Variants in ATXN2 observed in about 807,000 individuals in gnomAD.
The protein encoded by ATXN2 is ataxin 2.
ATXN2 carries 37 observed loss-of-function variants against 138.6 expected under a neutral mutation model. The ratio of observed to expected loss-of-function variants is 0.27; its 90% CI spans 0.21 to 0.35. The LOEUF is 0.35. Ranked by LOEUF, ATXN2 falls within the 10% of genes least tolerant of loss-of-function variation. The pLI is 1.00. For synonymous variants in ATXN2, 549 were observed against 543.7 expected (o/e 1.01, Z -0.13); for missense variants, 1,216 against 1,480.3 (o/e 0.82, Z 2.93).
chr12:111,453,351 C>G lies in ATXN2; in HGVS notation c.3439+326G>C, dbSNP rs905300389. 2.4e-5 allele frequency: 27 copies of G among 1,104,662 alleles called. No individual in the cohort carries two copies. The highest frequency in any genetic ancestry group is 3.3e-5 in the African/African-American group (2 of 61,066). 68.4% of individuals were successfully genotyped at this position (1,104,662 alleles called of 1,614,324 possible). On this transcript the variant is annotated intron_variant, in intron 24 of 24. Transcript: ENST00000673436. This position sits in a 1 kb window ranked among gnomAD's most constrained non-coding sequence, Gnocchi z 5.4. ...CCCCACATGTCAGACTTTTGGGACT[C>G]AGGAAGGAAAACACTGCCCTGTCCA...
chr12:111,486,278 C>T (rs1356733220), intron 16 of ATXN2, among the ~76,000 whole-genome samples: 1 of 152,142 alleles, frequency 6.6e-6, no homozygotes, highest in South Asian at 2.1e-4. Flanking sequence ...ATGTAGTATT[C>T]GCATACAACC....
intron 7 of ATXN2, 25 bp from the exon 8 acceptor site, chr12:111,520,101 A>G (rs1484828055): frequency 3.1e-6 from 5 of 1,608,058 alleles, no homozygotes; most frequent in Non-Finnish European, 4.2e-6. Flanking sequence ...AAAGAAAAGC[A>G]AAATGAGTCC....
chr12:111,490,564 C>T (rs944123505), intron 14 of ATXN2, among the ~76,000 whole-genome samples: 2 of 152,044 alleles, frequency 1.3e-5, no homozygotes, highest in Non-Finnish European at 2.9e-5. Flanking sequence ...AGCATGGTGG[C>T]CAAACAGAAC....
chr12:111,455,262 AG>A, intron 23 of ATXN2: 1 of 640,126 alleles, frequency 1.6e-6, no homozygotes, highest in Admixed American at 2.2e-5. Flanking sequence ...CCAGCGTTAG[AG>A]CCCAACTTCA....
At chr12:111,466,950 T>C (rs1033247459) in intron 20 of ATXN2, among the ~76,000 whole-genome samples, 1 of 152,068 alleles carries the variant, frequency 6.6e-6, no homozygotes, top group Non-Finnish European at 1.5e-5. Context: ...GGAAGATGAG[T>C]ATAAAATTAA....
At position 111,598,131 on chromosome 12, in the gene ATXN2, C is replaced by T; in HGVS notation, c.251+653G>A. ...CAGGGGAGTTCGGGAGCCCCCGCCG[C>T]CGCCTCGGACACGAACGCAGAGGGG... On this transcript the variant is annotated intron_variant, in intron 1 of 24. Transcript: ENST00000673436. This position sits in a 1 kb window ranked among gnomAD's most constrained non-coding sequence, Gnocchi z 4.5. 9.0e-7 allele frequency: 1 copy of T among 1,113,392 alleles called. No homozygotes were observed. Among genetic ancestry groups the T allele is most frequent in the Non-Finnish European group, 1.1e-6 (1 of 900,694 alleles). 69.0% of individuals were successfully genotyped at this position (1,113,392 alleles called of 1,614,324 possible). A position where few individuals can be genotyped will look rare whatever the true frequency, so the allele number is the denominator to read the frequency against.
chr12:111,484,580 G>A (rs930238721), intron 18 of ATXN2, among the ~76,000 whole-genome samples: 3 of 151,988 alleles, frequency 2.0e-5, no homozygotes, highest in African/African-American at 7.2e-5. Context: ...ATTACAGGCG[G>A]CAGGTGCCAC....
chr12:111,565,973 G>A (rs1459901752), intron 1 of ATXN2, among the ~76,000 whole-genome samples: 5 of 148,024 alleles, frequency 3.4e-5, no homozygotes, highest in African/African-American at 1.2e-4. Flanking sequence ...TCCACGCTGG[G>A]AAACAGAGTG....
intron 18 of ATXN2, among the ~76,000 whole-genome samples, chr12:111,473,160 G>A (rs769664746): frequency 2.0e-5 from 3 of 151,836 alleles, no homozygotes; most frequent in Non-Finnish European, 4.4e-5. Context: ...TGTAGTCCCA[G>A]CTACTTGGGA....
intron 1 of ATXN2, among the ~76,000 whole-genome samples, chr12:111,557,059 C>T (rs1433934244): frequency 6.6e-5 from 10 of 152,028 alleles, no homozygotes; most frequent in Non-Finnish European, 1.5e-4. Flanking sequence ...TATAATACAA[C>T]CTAAAGCTTA....
chr12:111,525,686 ATTT>A (rs11346498), intron 5 of ATXN2, among the ~76,000 whole-genome samples: 10 of 139,548 alleles, frequency 7.2e-5, no homozygotes, highest in Non-Finnish European at 6.2e-5. Context: ...CACACGAAGC[ATTT>A]TTTTTTTTTT....
intron 1 of ATXN2, among the ~76,000 whole-genome samples, chr12:111,558,132 G>C (rs1882485882): frequency 6.6e-6 from 1 of 152,142 alleles, no homozygotes; most frequent in African/African-American, 2.4e-5. Flanking sequence ...AAACAGTACA[G>C]TAAAGTGCAG....
rs771488949 is a variant in ATXN2 at position 111,525,260 on chromosome 12, C to T, written c.628G>A (p.Asp210Asn). Residue 210 changes from aspartate to asparagine, a missense_variant, in exon 6 of 25, where the codon GAC becomes AAC. By Grantham distance (23) the Asp-to-Asn change is conservative (BLOSUM62 1). Transcript: ENST00000673436. ...AKVNGEHKEK[D>N]LEPWDAGELT... ...TCACCTGCATCCCAGGGCTCCAGGTCCTTCTCTTTGTGTTCGCCATTCACT... is the reference window on the plus strand; with the variant it reads ...TCACCTGCATCCCAGGGCTCCAGGTTCTTCTCTTTGTGTTCGCCATTCACT... The T allele has an allele frequency of 6.2e-7, 1 of 1,613,746 alleles. No homozygotes were observed. The highest frequency in any genetic ancestry group is 8.5e-7 in the Non-Finnish European group (1 of 1,179,950).
At chr12:111,477,935 G>A (rs560238571) in intron 18 of ATXN2, among the ~76,000 whole-genome samples, 5 of 151,280 alleles carry the variant, frequency 3.3e-5, no homozygotes, top group African/African-American at 9.7e-5. Flanking sequence ...ATAGGAATGC[G>A]CTTCTGTGCC....
At chr12:111,506,695 G>T (rs1011410668) in intron 14 of ATXN2, among the ~76,000 whole-genome samples, 1 of 116,348 alleles carries the variant, frequency 8.6e-6, no homozygotes, top group African/African-American at 3.3e-5. Context: ...CTCTTTCCAC[G>T]GTCTCCCTCT....
chr12:111,539,806 C>A (rs1881400072), intron 5 of ATXN2, among the ~76,000 whole-genome samples: 1 of 149,334 alleles, frequency 6.7e-6, no homozygotes, highest in South Asian at 2.1e-4. Flanking sequence ...TGTAGAAGAA[C>A]TAAGACAAAA....
intron 1 of ATXN2, among the ~76,000 whole-genome samples, chr12:111,584,129 C>T (rs1884182058): frequency 6.6e-6 from 1 of 151,804 alleles, no homozygotes; most frequent in Non-Finnish European, 1.5e-5. Context: ...TCCCTGTAAT[C>T]CCAGCATTTC....
intron 14 of ATXN2, among the ~76,000 whole-genome samples, chr12:111,500,544 C>T (rs138927733): frequency 3.3e-5 from 5 of 152,088 alleles, no homozygotes; most frequent in East Asian, 1.9e-4. Flanking sequence ...TCTGCAGGAC[C>T]GGAGGCAGAA....
intron 5 of ATXN2, among the ~76,000 whole-genome samples, chr12:111,547,940 C>G (rs573400742): frequency 6.6e-6 from 1 of 150,588 alleles, no homozygotes; most frequent in South Asian, 2.1e-4. Flanking sequence ...TGCCTACAAT[C>G]CCAGCAATTT....
Sources: gnomAD v4.1 joint callset for allele counts (sites outside exome capture counted in the v4.1 genomes callset) on GRCh38, gnomAD v4.1.1 for gene constraint, Gnocchi (gnomAD v3.1) non-coding constraint, MANE v1.5 for transcripts, NCBI Gene and HGNC (gene_info 2026-07-23, HGNC 2026-07-21) for gene names.